REV3L: variants seen among roughly 807,000 people sequenced by gnomAD.
REV3L encodes the protein DNA polymerase zeta catalytic subunit.
Under a neutral mutation model 299.4 loss-of-function variants are expected in REV3L, and 69 were observed. The observed-to-expected ratio is 0.23, with a 90% CI of 0.19 to 0.28. The LOEUF is 0.28. Ranked by LOEUF, REV3L falls within the 10% of genes least tolerant of loss-of-function variation. The pLI is 1.00. For missense variants in REV3L, 3,128 were observed against 3,693.8 expected, an observed-to-expected ratio of 0.85 and a Z score of 3.97; for synonymous variants, 1,238 against 1,271.4, an observed-to-expected ratio of 0.97 and a Z score of 0.56.
At chr6:111,369,281 C>CAAAAAAAA in intron 13 of REV3L, among the ~76,000 whole-genome samples, 1 of 68,140 alleles carries the variant, frequency 1.5e-5, no homozygotes. Context: ...GACTCTGTCT[C>CAAAAAAAA]AAAAAAAAAA....
At chr6:111,307,597 G>C (rs1376011653) in intron 30 of REV3L, 27 bp from the exon 31 acceptor site, 1 of 1,604,004 alleles carries the variant, frequency 6.2e-7, no homozygotes, top group Non-Finnish European at 8.5e-7. Flanking sequence ...TCAGAAGTAA[G>C]CCTGAGTCAG....
Position 111,411,511 on chromosome 6 carries a change from T to C in REV3L, c.373A>G (p.Ile125Val), listed in dbSNP as rs901005247. 3.1e-6 allele frequency: 5 copies of C among 1,590,292 alleles called. No homozygotes were observed. In the Admixed American group the frequency reaches 5.1e-5, roughly 16 times the overall value. ...YHEKERHFMK[I>V]YLYNPTMVKR... The stretch of plus-strand genomic sequence containing the variant: ...ACCATTGTAGGATTGTAAAGATAGA[T>C]CTTCATAAAGTGTCTTTCCTTCTCA... The change falls in exon 3 of 32, where the codon ATC becomes GTC. Residue 125 changes from isoleucine (I) to valine (V), a missense_variant. Physicochemically the swap from Ile to Val is conservative, Grantham distance 29. Transcript: ENST00000368802.
intron 1 of REV3L, among the ~76,000 whole-genome samples, chr6:111,476,709 A>G (rs1792984109): frequency 6.6e-6 from 1 of 152,240 alleles, no homozygotes; most frequent in South Asian, 2.1e-4. Context: ...ACCACTTTAC[A>G]TACAAGTAAG....
Position 111,372,697 on chromosome 6 carries a change from A to C in REV3L, c.5658T>G (p.Ser1886Arg), listed in dbSNP as rs759882987. The C allele has an allele frequency of 3.7e-6, 6 of 1,601,864 alleles. No homozygotes were observed. The highest frequency in any genetic ancestry group is 4.3e-6 in the Non-Finnish European group (5 of 1,174,866). The change falls in exon 13 of 32, where the codon AGT becomes AGG. Residue 1886 changes from serine (S) to arginine (R), a missense_variant. Ser to Arg is a moderately radical substitution (Grantham distance 110). Around this residue, in one of 9 missense-constraint regions of REV3L, gnomAD observed 2,409 missense variants for 2,611.8 expected, o/e 0.92. Coordinates refer to ENST00000368802, the MANE Select transcript of REV3L (RefSeq NM_001372078.1). ...ACAAAGTTGCCATAATTTCTTCCCT[A>C]CTTGGGGGGGACATAAGTGGTTTCA... The part of the protein sequence containing the change: ...NILKPLMSPP[S>R]REEIMATLLD...
chr6:111,468,186 T>C (rs1327273524), intron 1 of REV3L, among the ~76,000 whole-genome samples: 3 of 152,200 alleles, frequency 2.0e-5, no homozygotes, highest in Non-Finnish European at 4.4e-5. Context: ...AAAAGTTCTC[T>C]ACAAAAGATT....
At chr6:111,452,585 A>T (rs1789678205) in intron 1 of REV3L, among the ~76,000 whole-genome samples, 1 of 152,216 alleles carries the variant, frequency 6.6e-6, no homozygotes, top group Non-Finnish European at 1.5e-5. Context: ...TAGAAATGGC[A>T]AAACTATAAG....
chr6:111,473,583 C>A (rs1792524261), intron 1 of REV3L, among the ~76,000 whole-genome samples: 1 of 151,722 alleles, frequency 6.6e-6, no homozygotes, highest in South Asian at 2.1e-4. Flanking sequence ...ACGAATCCTA[C>A]TATAATCTAT....
chr6:111,384,367 G>GGATTA (rs1162352644), intron 9 of REV3L, among the ~76,000 whole-genome samples: 1 of 151,684 alleles, frequency 6.6e-6, no homozygotes, highest in African/African-American at 2.4e-5. Context: ...ATCTGACAAG[G>GGATTA]GATTAATAAC....
intron 4 of REV3L, 106 bp downstream of exon 4, chr6:111,405,363 AC>A: frequency 4.6e-6 from 3 of 653,078 alleles, no homozygotes; most frequent in Non-Finnish European, 6.9e-6. Context: ...TAGTCACTCA[AC>A]ATTTATTTTC....
intron 1 of REV3L, chr6:111,471,987 T>TA (rs1792275991): frequency 3.0e-6 from 2 of 657,886 alleles, no homozygotes; most frequent in Admixed American, 8.4e-5. Context: ...TCACCCCCAA[T>TA]ATATTAACCA....
At chr6:111,325,862 A>G (rs894772358) in intron 25 of REV3L, among the ~76,000 whole-genome samples, 1 of 152,204 alleles carries the variant, frequency 6.6e-6, no homozygotes, top group Non-Finnish European at 1.5e-5. Flanking sequence ...ACTAAATACT[A>G]TATTTTATTC....
At chr6:111,365,746 G>A (rs1368950551) in intron 14 of REV3L, among the ~76,000 whole-genome samples, 1 of 152,132 alleles carries the variant, frequency 6.6e-6, no homozygotes, top group Non-Finnish European at 1.5e-5. Flanking sequence ...ATACAACAAA[G>A]GGGAATATAA....
chr6:111,331,536 A>G (rs1049310169), intron 24 of REV3L, 140 bp downstream of exon 24: 11 of 521,484 alleles, frequency 2.1e-5, no homozygotes, highest in Non-Finnish European at 3.3e-5. Context: ...AGATTCTCAT[A>G]TCTTTGACTT....
rs756652166 is a variant in REV3L at position 111,482,935 on chromosome 6, G to GGCA, written c.-50_-48dup. On this transcript the variant is annotated 5_prime_UTR_variant, in exon 1 of 32. Transcript: ENST00000368802. ...CTCCCTTCACTGGCGACCCGGCAGC[G>GGCA]GCAGCAGCAGCGGCGGCGGCTCCCT... 1.1e-5 allele frequency: 17 copies of GGCA among 1,479,390 alleles called. No individual in the cohort carries two copies. The highest frequency in any genetic ancestry group is 2.8e-5 in the South Asian group (2 of 72,102). The allele number at this position is 1,479,390 out of a possible 1,614,324, so 91.6% of individuals were successfully genotyped here.
chr6:111,375,473 G>C lies in REV3L; in HGVS notation c.2882C>G (p.Ser961Cys). ...TTTAGACATTTTTCTTCGTTTTCGGGATTTGAGAGTTCCATCTAAACTTTC... is the reference window on the plus strand; with the variant it reads ...TTTAGACATTTTTCTTCGTTTTCGGCATTTGAGAGTTCCATCTAAACTTTC... Reference protein sequence around the residue: ...IGESLDGTLKSRKRRKMSKKL... With the variant: ...IGESLDGTLKCRKRRKMSKKL... The change falls in exon 13 of 32, where the codon TCC becomes TGC. Residue 961 changes from serine to cysteine, a missense_variant. Ser to Cys is a moderately radical substitution (Grantham distance 112, BLOSUM62 -1). Around this residue, in one of 9 missense-constraint regions of REV3L, gnomAD observed 2,409 missense variants for 2,611.8 expected, o/e 0.92. Coordinates refer to ENST00000368802, the MANE Select transcript of REV3L (RefSeq NM_001372078.1). 6.2e-7 allele frequency: 1 copy of C among 1,604,486 alleles called. No individual in the cohort carries two copies. The highest frequency in any genetic ancestry group is 1.1e-5 in the South Asian group (1 of 88,624).
At chr6:111,455,940 G>A (rs998241338) in intron 1 of REV3L, among the ~76,000 whole-genome samples, 3 of 152,194 alleles carry the variant, frequency 2.0e-5, no homozygotes, top group Non-Finnish European at 4.4e-5. Flanking sequence ...CCTTAAGATA[G>A]AGCATCATAT....
chr6:111,385,336 C>T (rs117937725), intron 9 of REV3L, among the ~76,000 whole-genome samples: 2,344 of 151,858 alleles, frequency 0.015, 25 homozygotes, highest in Non-Finnish European at 0.023. Context: ...CATTGTATGC[C>T]TGTATAAAAA....
Position 111,373,832 on chromosome 6 carries a change from T to C in REV3L, c.4523A>G (p.Gln1508Arg), listed in dbSNP as rs559546908. The C allele has an allele frequency of 6.2e-7, 1 of 1,614,090 alleles. No individual in the cohort carries two copies. The highest frequency in any genetic ancestry group is 2.2e-5 in the East Asian group (1 of 44,884). ...TGTTGACACATTTCGATTTTTACAC[T>C]GAGAAAGTGCTTTGGTTTGTGAAAT... is the stretch of plus-strand genomic sequence containing the variant. ...EAISQTKALSQCKNRNVSTPS... is the reference protein window; with the variant it reads ...EAISQTKALSRCKNRNVSTPS... Residue 1508 changes from glutamine to arginine, a missense_variant, in exon 13 of 32, where the codon CAG becomes CGG. Physicochemically the swap from Gln to Arg is conservative, Grantham distance 43. Transcript: ENST00000368802.
chr6:111,457,284 C>T (rs145915924), intron 1 of REV3L, among the ~76,000 whole-genome samples: 199 of 151,732 alleles, frequency 1.3e-3, no homozygotes, highest in African/African-American at 4.4e-3. Flanking sequence ...AGCATAATTC[C>T]GAAGACAATC....
Sources: gnomAD v4.1 joint callset for allele counts (sites outside exome capture counted in the v4.1 genomes callset) on GRCh38, gnomAD v4.1.1 for gene constraint, gnomAD v4.1.1 regional missense constraint, MANE v1.5 for transcripts, NCBI Gene and HGNC (gene_info 2026-07-23, HGNC 2026-07-21) for gene names.